GLIS2: variants seen among roughly 807,000 people sequenced by gnomAD.
GLIS2 encodes zinc finger protein GLIS2.
In GLIS2, 14 loss-of-function variants were observed where a neutral mutation model predicts 35.6. That is an observed-to-expected ratio of 0.39 (90% CI 0.26 to 0.61). The LOEUF (loss-of-function observed/expected upper bound fraction) is 0.61. Among genes scored for constraint, GLIS2 ranks in the 20% least tolerant of loss-of-function variants. The probability of loss-of-function intolerance (pLI) is 0.48; values close to 1 mark genes in which losing one functional copy is unlikely to be tolerated. For missense variants in GLIS2, 675 were observed against 713.4 expected, an observed-to-expected ratio of 0.95 and a Z score of 0.61; for synonymous variants, 368 against 325.1, an observed-to-expected ratio of 1.13 and a Z score of -1.42.
chr16:4,329,822 G>A (rs532685461), intron 1 of GLIS2, among the ~76,000 whole-genome samples: 12 of 152,354 alleles, frequency 7.9e-5, no homozygotes, highest in Non-Finnish European at 1.5e-4. Flanking sequence ...GCGGCAGTTA[G>A]ATTTTCAAGT....
chr16:4,319,703 C>CA (rs2053356164), intron 1 of GLIS2, among the ~76,000 whole-genome samples: 1 of 152,146 alleles, frequency 6.6e-6, no homozygotes, highest in Non-Finnish European at 1.5e-5. Flanking sequence ...TGCTGGGGGG[C>CA]CAGCGTGGGG....
chr16:4,332,287 T>A lies in GLIS2; in HGVS notation c.7T>A (p.Ser3Thr). Residue 3 changes from serine (S) to threonine (T), a missense_variant, in exon 2 of 7, where the codon TCC becomes ACC. Around this residue, in one of 3 missense-constraint regions of GLIS2, gnomAD observed 225 missense variants for 238.7 expected, o/e 0.94. Transcript: ENST00000433375. The surrounding 1 kb of genome is among the most constrained non-coding windows in gnomAD (Gnocchi z 5.4). MH[S>T]LDEPLDLKLS... The stretch of plus-strand genomic sequence containing the variant: ...CAACTCCGGCCCCCTCACCATGCAC[T>A]CCCTGGACGAGCCGCTCGACCTGAA... 1 of 1,611,958 alleles carries A rather than the reference T, an allele frequency of 6.2e-7. No individual in the cohort carries two copies. The highest frequency in any genetic ancestry group is 8.5e-7 in the Non-Finnish European group (1 of 1,179,696).
In GLIS2 at chr16:4,320,087, C is replaced by T. The variant is rs2053362127; in HGVS notation, c.-67+3833C>T. On this transcript the variant is annotated intron_variant, in intron 1 of 6. Coordinates refer to ENST00000433375, the MANE Select transcript of GLIS2 (RefSeq NM_032575.3). This position sits in a 1 kb window ranked among gnomAD's most constrained non-coding sequence, Gnocchi z 5.6. Reference sequence around the variant, plus strand: ...TTGGGCTCCTCGTGCCCTTTGTCTTCGGTGCTTGAGAGGCCAGGTAGTGCC... The same window carrying T: ...TTGGGCTCCTCGTGCCCTTTGTCTTTGGTGCTTGAGAGGCCAGGTAGTGCC... 6.6e-6 allele frequency among the ~76,000 whole-genome samples: 1 copy of T among 152,058 alleles called. No individual in the cohort carries two copies. The highest frequency in any genetic ancestry group is 1.5e-5 in the Non-Finnish European group (1 of 68,000).
intron 3 of GLIS2, 82 bp downstream of exon 3, chr16:4,333,601 G>A: frequency 1.2e-5 from 17 of 1,429,862 alleles, no homozygotes; most frequent in Non-Finnish European, 1.5e-5. Context: ...ACACTGAGTG[G>A]TTTAAAAAAC....
At chr16:4,333,139 G>A (rs1259610164) in intron 2 of GLIS2, among the ~76,000 whole-genome samples, 1 of 152,150 alleles carries the variant, frequency 6.6e-6, no homozygotes, top group Admixed American at 6.5e-5. Flanking sequence ...CCGGCTCACG[G>A]GGGCCAAGCT....
At chr16:4,331,169 T>C (rs1458883274) in intron 1 of GLIS2, among the ~76,000 whole-genome samples, 1 of 151,296 alleles carries the variant, frequency 6.6e-6, no homozygotes, top group Non-Finnish European at 1.5e-5. Flanking sequence ...TTTAATAGAG[T>C]TGGGGTTTCA....
rs747171205 is a variant in GLIS2 at position 4,334,795 on chromosome 16, C to A, written c.346-6C>A. 3.2e-5 allele frequency: 51 copies of A among 1,613,210 alleles called. No individual in the cohort carries two copies. The highest frequency in any genetic ancestry group is 3.7e-5 in the Non-Finnish European group (44 of 1,180,002). On this transcript the variant is annotated splice_polypyrimidine_tract_variant and splice_region_variant and intron_variant, in intron 3 of 6. Transcript: ENST00000433375. ...GACCTTGACTAGCCCTCCCCTCGCA[C>A]CCCAGGACTTCCAGCCACTGCGCTA...
Position 4,332,230 on chromosome 16 carries a change from C to T in GLIS2, c.-51C>T, listed in dbSNP as rs1019514569. 5.0e-6 allele frequency: 8 copies of T among 1,596,458 alleles called. No homozygotes were observed. In the African/African-American group the frequency reaches 1.1e-4, roughly 21 times the overall value. On this transcript the variant is annotated 5_prime_UTR_variant, in exon 2 of 7. Coordinates refer to ENST00000433375, the MANE Select transcript of GLIS2 (RefSeq NM_032575.3). The surrounding 1 kb of genome is among the most constrained non-coding windows in gnomAD (Gnocchi z 5.4). ...CCTTCCCCAGGTTCCTGCGTGAAGA[C>T]CAGCTGGGAGCCCACTGCCTGCTGC...
chr16:4,337,260 A>C lies in GLIS2; in HGVS notation c.1311A>C (p.Ala437=), dbSNP rs3810817. The change falls in exon 7 of 7, where the codon GCA becomes GCC. Residue 437 remains alanine, a synonymous_variant. Transcript: ENST00000433375. ...CTGTGGTCTCCCTCCTTGCTGGCGC[A>C]GCTGGTGGCAAGGCCGAGGGGGAGA... ...GLPVVSLLAG[A]AGGKAEGEKG... is the part of the protein sequence containing the mutation. The C allele has an allele frequency of 0.15, 230,118 of 1,548,916 alleles. 25,910 individuals are homozygous for C. Among genetic ancestry groups the C allele is most frequent in the African/African-American group, 0.6 (43,773 of 73,116 alleles).
rs2053579062 is a variant in GLIS2, at chr16:4,338,123, C to T, written c.*599C>T. On this transcript the variant is annotated 3_prime_UTR_variant, in exon 7 of 7. Transcript: ENST00000433375. ...GCATGCCCCCCAGGACAAGGCGCCT[C>T]CCACTAGTTAGGAGGAGGCCCGCTC... 6.2e-6 allele frequency: 1 copy of T among 162,082 alleles called. No homozygotes were observed. Among genetic ancestry groups the T allele is most frequent in the East Asian group, 1.8e-4 (1 of 5,708 alleles). The allele number at this position is 162,082 out of a possible 1,614,324, so 10.0% of individuals were successfully genotyped here.
intron 1 of GLIS2, among the ~76,000 whole-genome samples, chr16:4,329,965 G>A (rs2053480996): frequency 1.3e-5 from 2 of 152,200 alleles, no homozygotes; most frequent in Non-Finnish European, 2.9e-5. Flanking sequence ...GATACTGTTA[G>A]ATCATTTGCA....
At chr16:4,323,281 T>C (rs1188746034) in intron 1 of GLIS2, among the ~76,000 whole-genome samples, 1 of 152,140 alleles carries the variant, frequency 6.6e-6, no homozygotes, top group African/African-American at 2.4e-5. Flanking sequence ...GGCCCAGTGC[T>C]CTGGTCCCCT....
chr16:4,336,474 G>C (rs1317386634), intron 6 of GLIS2: 4 of 614,380 alleles, frequency 6.5e-6, no homozygotes, highest in Non-Finnish European at 8.8e-6. Context: ...CTGCTGAAAG[G>C]CACATCCTCT....
upstream of GLIS2, chr16:4,315,326 C>T (rs1401096986): frequency 6.6e-6 from 1 of 152,176 alleles, no homozygotes; most frequent in Non-Finnish European, 1.5e-5. Flanking sequence ...GCATCGGGAT[C>T]CGGGACCTCT....
At chr16:4,323,204 G>A (rs879817076) in intron 1 of GLIS2, among the ~76,000 whole-genome samples, 5 of 152,210 alleles carry the variant, frequency 3.3e-5, no homozygotes, top group Non-Finnish European at 7.4e-5. Flanking sequence ...CTGTGCCCCA[G>A]CCTTGCTGGG....
In GLIS2 at chr16:4,332,135, T is replaced by C; in HGVS notation, c.-66-80T>C. The C allele has an allele frequency of 2.9e-6, 3 of 1,035,702 alleles. No homozygotes were observed. The highest frequency in any genetic ancestry group is 1.4e-5 in the South Asian group (1 of 73,360). The allele number at this position is 1,035,702 out of a possible 1,614,324, so 64.2% of individuals were successfully genotyped here. A position where few individuals can be genotyped will look rare whatever the true frequency, so the allele number is the denominator to read the frequency against. On this transcript the variant is annotated intron_variant, in intron 1 of 6. Transcript: ENST00000433375. The surrounding 1 kb of genome is among the most constrained non-coding windows in gnomAD (Gnocchi z 5.4). ...ACCTCACACTGCCCCCTGCTCCTGCTCCTGTTAGACTGTCATGAGTACAGC... is the reference window on the plus strand; with the variant it reads ...ACCTCACACTGCCCCCTGCTCCTGCCCCTGTTAGACTGTCATGAGTACAGC...
intron 1 of GLIS2, among the ~76,000 whole-genome samples, chr16:4,331,244 T>G (rs2053493658): frequency 6.6e-6 from 1 of 152,112 alleles, no homozygotes; most frequent in Admixed American, 6.5e-5. Context: ...CCTCCCAAAG[T>G]GCTGGGATTA....
chr16:4,319,867 T>TCCACTCCC (rs1008056332), intron 1 of GLIS2, among the ~76,000 whole-genome samples: 22 of 152,058 alleles, frequency 1.4e-4, no homozygotes, highest in Non-Finnish European at 2.6e-4. Context: ...GTACTCGCCT[T>TCCACTCCC]CCACTCCCCC....
At chr16:4,325,224 C>T (rs1256583741) in intron 1 of GLIS2, 4 of 152,288 alleles carry the variant, frequency 2.6e-5, no homozygotes, top group Admixed American at 6.5e-5. Flanking sequence ...AAGCCTGAGC[C>T]CCTGACATAG....
Sources: gnomAD v4.1 joint callset for allele counts (sites outside exome capture counted in the v4.1 genomes callset) on GRCh38, gnomAD v4.1.1 for gene constraint, gnomAD v4.1.1 regional missense constraint, Gnocchi (gnomAD v3.1) non-coding constraint, MANE v1.5 for transcripts, NCBI Gene and HGNC (gene_info 2026-07-23, HGNC 2026-07-21) for gene names.